Variants in PDE11A observed in about 807,000 individuals in gnomAD.
PDE11A encodes the protein phosphodiesterase 11A.
PDE11A carries 100 observed loss-of-function variants against 100.5 expected under a neutral mutation model. The observed-to-expected ratio is 1.00, with a 90% CI of 0.85 to 1.18. The LOEUF is 1.18. Ranked by LOEUF, PDE11A falls within the 50% of genes most tolerant of loss-of-function variation. The pLI is 0.00. For missense variants in PDE11A, 1,141 were observed against 1,152.6 expected (o/e 0.99, Z 0.15); for synonymous variants, 381 against 420.8 (o/e 0.91, Z 1.16).
chr2:177,762,271 G>C (rs1235634759), intron 10 of PDE11A, among the ~76,000 whole-genome samples: 1 of 152,160 alleles, frequency 6.6e-6, no homozygotes, highest in Admixed American at 6.5e-5. Context: ...CACACTGAAC[G>C]AACAGTAGAG....
At chr2:177,947,513 T>A (rs1428694125) in intron 2 of PDE11A, among the ~76,000 whole-genome samples, 1 of 152,192 alleles carries the variant, frequency 6.6e-6, no homozygotes, top group Non-Finnish European at 1.5e-5. Context: ...CACTCAGCGT[T>A]GAATGGATTA....
chr2:178,072,687 C>A lies in PDE11A; in HGVS notation c.-250G>T. On this transcript the variant is annotated 5_prime_UTR_variant, in exon 1 of 20. Coordinates refer to ENST00000286063, the MANE Select transcript of PDE11A (RefSeq NM_016953.4). ...GCACAGGTGCCCAGCACTGAGCTGC[C>A]GCCGCTGCCCCGGCTCCTGTTCCGG... 7.1e-7 allele frequency: 1 copy of A among 1,410,564 alleles called. No individual in the cohort carries two copies. Among genetic ancestry groups the A allele is most frequent in the Non-Finnish European group, 9.2e-7 (1 of 1,084,338 alleles). 87.4% of individuals were successfully genotyped at this position (1,410,564 alleles called of 1,614,324 possible).
At chr2:178,075,982 T>C (rs2087203364), upstream of PDE11A, among the ~76,000 whole-genome samples, 1 of 152,312 alleles carries the variant, frequency 6.6e-6, no homozygotes, top group East Asian at 1.9e-4. Context: ...GCTAATTCCA[T>C]CGAAACTATC....
intron 1 of PDE11A, among the ~76,000 whole-genome samples, chr2:178,016,273 G>A (rs924590898): frequency 6.6e-6 from 1 of 150,740 alleles, no homozygotes; most frequent in Non-Finnish European, 1.5e-5. Flanking sequence ...GTGACCCACA[G>A]TGCCCGGCCA....
rs527593443 is a variant in PDE11A at position 178,042,513 on chromosome 2, G to C, written c.913-28053C>G. 4.0e-5 allele frequency among the ~76,000 whole-genome samples: 6 copies of C among 151,484 alleles called. No homozygotes were observed. The South Asian group carries it at 1.0e-3, about 26-fold the overall frequency. ...AAAAAGAAGAAAAAAGTCCATCCTA[G>C]TTATATATTTGATCTATTTCATGTT... On this transcript the variant is annotated intron_variant, in intron 1 of 19. Coordinates refer to ENST00000286063, the MANE Select transcript of PDE11A (RefSeq NM_016953.4).
At chr2:178,052,523 C>A (rs995744387) in intron 1 of PDE11A, among the ~76,000 whole-genome samples, 1 of 152,046 alleles carries the variant, frequency 6.6e-6, no homozygotes, top group African/African-American at 2.4e-5. Flanking sequence ...CAGAGCAGAA[C>A]TGAAGGAGAT....
At chr2:177,911,052 C>G (rs1367280734) in intron 2 of PDE11A, among the ~76,000 whole-genome samples, 1 of 152,162 alleles carries the variant, frequency 6.6e-6, no homozygotes, top group Non-Finnish European at 1.5e-5. Flanking sequence ...CAGATAACAC[C>G]TCCTCCCTTT....
intron 5 of PDE11A, among the ~76,000 whole-genome samples, chr2:177,846,617 C>G (rs183498620): frequency 6.6e-6 from 1 of 152,294 alleles, no homozygotes; most frequent in East Asian, 1.9e-4. Context: ...ATGGTAAGAT[C>G]ACAGACACAG....
chr2:177,998,185 T>A, intron 2 of PDE11A: 1 of 881,146 alleles, frequency 1.1e-6, no homozygotes. Flanking sequence ...AGACAGTAAT[T>A]CATGAATAGA....
Position 177,816,836 on chromosome 2 carries a change from G to A in PDE11A, c.1730C>T (p.Ala577Val). ...VKKSWAKQSV[A>V]LDVLSYHATC... ...CATAAACACTGTACTTACATCAAGA[G>A]CCACAGACTGCTTGGCCCAGGACTT... Residue 577 changes from alanine to valine, a missense_variant, in exon 9 of 20, where the codon GCT (alanine) becomes GTT (valine). Transcript: ENST00000286063. The A allele has an allele frequency of 6.4e-7, 1 of 1,573,924 alleles. No homozygotes were observed. The highest frequency in any genetic ancestry group is 8.7e-7 in the Non-Finnish European group (1 of 1,143,386).
chr2:177,771,312 A>G (rs1305744972), intron 9 of PDE11A, among the ~76,000 whole-genome samples: 1 of 152,250 alleles, frequency 6.6e-6, no homozygotes, highest in Non-Finnish European at 1.5e-5. Context: ...TTTAGGTAAC[A>G]TTAAACTGGT....
At chr2:177,851,726 G>C (rs887727272) in intron 5 of PDE11A, among the ~76,000 whole-genome samples, 1 of 151,082 alleles carries the variant, frequency 6.6e-6, no homozygotes, top group African/African-American at 2.4e-5. Context: ...TCTGTTTTTC[G>C]TTTTTAAAAT....
At chr2:177,813,529 T>C (rs1246224476) in intron 9 of PDE11A, among the ~76,000 whole-genome samples, 1 of 152,124 alleles carries the variant, frequency 6.6e-6, no homozygotes, top group African/African-American at 2.4e-5. Flanking sequence ...CTCTGCCCCA[T>C]TTGTGAGAAT....
At chr2:177,961,350 GAC>G (rs2085629800) in intron 2 of PDE11A, among the ~76,000 whole-genome samples, 2 of 152,104 alleles carry the variant, frequency 1.3e-5, no homozygotes, top group Admixed American at 6.5e-5. Context: ...AGCCTGCCCT[GAC>G]ACCCCAGCCT....
intron 12 of PDE11A, among the ~76,000 whole-genome samples, chr2:177,717,182 C>T (rs934007763): frequency 2.0e-5 from 3 of 152,160 alleles, no homozygotes; most frequent in Admixed American, 1.3e-4. Flanking sequence ...GACGGTGATA[C>T]CTGAGTTACT....
chr2:177,959,188 A>G (rs914871639), intron 2 of PDE11A, among the ~76,000 whole-genome samples: 1 of 152,218 alleles, frequency 6.6e-6, no homozygotes, highest in African/African-American at 2.4e-5. Context: ...TAACAACCCT[A>G]AGACTAGAAT....
intron 2 of PDE11A, among the ~76,000 whole-genome samples, chr2:177,930,393 T>G (rs761943610): frequency 6.6e-6 from 1 of 151,834 alleles, no homozygotes; most frequent in Non-Finnish European, 1.5e-5. Context: ...AATACCTGGA[T>G]GAGTTGTAAA....
intron 10 of PDE11A, among the ~76,000 whole-genome samples, chr2:177,736,524 A>G (rs1209377090): frequency 6.6e-6 from 1 of 151,730 alleles, no homozygotes; most frequent in Non-Finnish European, 1.5e-5. Flanking sequence ...AGAAAAAAAA[A>G]AGAAAAAAAA....
At chr2:178,075,336 T>C (rs1316101090), upstream of PDE11A, among the ~76,000 whole-genome samples, 1 of 151,990 alleles carries the variant, frequency 6.6e-6, no homozygotes, top group Non-Finnish European at 1.5e-5. Flanking sequence ...GCAGATCACT[T>C]GGGGTCAAGA....
Sources: allele counts gnomAD v4.1 joint callset (sites outside exome capture counted in the v4.1 genomes callset), GRCh38; gene constraint gnomAD v4.1.1; transcripts MANE v1.5; gene names NCBI Gene and HGNC (gene_info 2026-07-23, HGNC 2026-07-21).